NOX3: variants seen among roughly 807,000 people sequenced by gnomAD.
The protein encoded by NOX3 is NADPH oxidase catalytic subunit-like 3.
Under a neutral mutation model 76.7 loss-of-function variants are expected in NOX3, and 74 were observed. The ratio of observed to expected loss-of-function variants is 0.96; its 90% CI spans 0.80 to 1.17. NOX3 has a LOEUF of 1.17. Among genes scored for constraint, NOX3 ranks in the 50% most tolerant of loss-of-function variants. The pLI is 0.00. For missense variants in NOX3, 695 were observed against 703.3 expected, an observed-to-expected ratio of 0.99 and a Z score of 0.13; for synonymous variants, 263 against 261.1, an observed-to-expected ratio of 1.01 and a Z score of -0.07.
rs1777020088 is a variant in NOX3, at chr6:155,443,376, T to C, written c.383A>G (p.His128Arg). 6.2e-7 allele frequency: 1 copy of C among 1,613,970 alleles called. No individual in the cohort carries two copies. Among genetic ancestry groups the C allele is most frequent in the Non-Finnish European group, 8.5e-7 (1 of 1,179,946 alleles). ...CTGGGCCTCCTCGGACTGGCTCCAGTGGTAGCGTTCCAGGTTGAAGAAATG... is the reference window on the plus strand; with the variant it reads ...CTGGGCCTCCTCGGACTGGCTCCAGCGGTAGCGTTCCAGGTTGAAGAAATG... ...VAHFFNLERYHWSQSEEAQGL... is the reference protein window; with the variant it reads ...VAHFFNLERYRWSQSEEAQGL... The change falls in exon 5 of 14, where the codon CAC (histidine) becomes CGC (arginine). Residue 128 changes from histidine to arginine, a missense_variant. Physicochemically the swap from His to Arg is conservative, Grantham distance 29. Transcript: ENST00000159060.
intron 1 of NOX3, among the ~76,000 whole-genome samples, chr6:155,455,432 C>A (rs1207497807): frequency 2.6e-5 from 4 of 152,164 alleles, no homozygotes; most frequent in African/African-American, 9.6e-5. Context: ...TCTTTAAAAA[C>A]AACTCCGAGA....
At chr6:155,396,533 G>A (rs745710231) in intron 13 of NOX3, among the ~76,000 whole-genome samples, 14 of 152,164 alleles carry the variant, frequency 9.2e-5, no homozygotes, top group Non-Finnish European at 2.1e-4. Flanking sequence ...GTGGATGGTC[G>A]ATGTGCGAAA....
chr6:155,396,649 C>A (rs1779140869), intron 13 of NOX3, among the ~76,000 whole-genome samples, 160 bp downstream of exon 13: 1 of 152,248 alleles, frequency 6.6e-6, no homozygotes, highest in Non-Finnish European at 1.5e-5. Flanking sequence ...TATGCCCATT[C>A]ATTGACGTTA....
intron 5 of NOX3, among the ~76,000 whole-genome samples, chr6:155,441,184 TG>T (rs1360811248): frequency 2.0e-5 from 3 of 152,230 alleles, no homozygotes; most frequent in African/African-American, 7.2e-5. Context: ...TCATACATTG[TG>T]TTACTATCGT....
Position 155,454,818 on chromosome 6 carries a change from G to A in NOX3, c.248C>T (p.Thr83Ile). ...SRNLISFIRGTSICCRGPWRR... is the reference protein window; with the variant it reads ...SRNLISFIRGISICCRGPWRR... ...AGATATTTTAGTACTTACAATACTT[G>A]TTCCTCTTATGAATGAAATAAGGTT... The change falls in exon 3 of 14, where the codon ACA becomes ATA. Residue 83 changes from threonine (T) to isoleucine (I), a missense_variant. Transcript: ENST00000159060. 2 of 1,559,082 alleles carry A rather than the reference G, an allele frequency of 1.3e-6. No individual in the cohort carries two copies. The highest frequency in any genetic ancestry group is 1.7e-6 in the Non-Finnish European group (2 of 1,145,506).
chr6:155,432,320 G>C (rs1343116564), intron 7 of NOX3, among the ~76,000 whole-genome samples: 1 of 147,116 alleles, frequency 6.8e-6, no homozygotes, highest in African/African-American at 2.5e-5. Context: ...AGATAGCCAG[G>C]GCCAGAACTC....
intron 7 of NOX3, among the ~76,000 whole-genome samples, chr6:155,433,686 A>G (rs1776864649): frequency 6.6e-6 from 1 of 152,216 alleles, no homozygotes; most frequent in Non-Finnish European, 1.5e-5. Flanking sequence ...TATGGAAGCC[A>G]GAGACTTAGA....
At chr6:155,413,679 G>A (rs1285699690) in intron 10 of NOX3, among the ~76,000 whole-genome samples, 2 of 152,144 alleles carry the variant, frequency 1.3e-5, no homozygotes, top group Non-Finnish European at 2.9e-5. Context: ...GGGTGGAAAT[G>A]AAAAATCTAC....
At chr6:155,424,501 C>A (rs1776731933) in intron 9 of NOX3, among the ~76,000 whole-genome samples, 1 of 152,174 alleles carries the variant, frequency 6.6e-6, no homozygotes. Context: ...TATTCATAAC[C>A]ATTCCCTAAG....
At chr6:155,428,659 C>A in intron 9 of NOX3, 135 bp downstream of exon 9, 1 of 682,154 alleles carries the variant, frequency 1.5e-6, no homozygotes. Context: ...TTTTTACACA[C>A]ATTCTCAAAT....
intron 7 of NOX3, among the ~76,000 whole-genome samples, chr6:155,434,334 G>A (rs962590563): frequency 1.1e-4 from 16 of 152,172 alleles, no homozygotes; most frequent in African/African-American, 3.6e-4. Flanking sequence ...GTGCTTCTCC[G>A]GCCTAGGACG....
At chr6:155,402,436 A>C (rs1232846156) in intron 12 of NOX3, among the ~76,000 whole-genome samples, 2 of 152,210 alleles carry the variant, frequency 1.3e-5, no homozygotes, top group Non-Finnish European at 2.9e-5. Flanking sequence ...AATATAGCTA[A>C]TATAATTACC....
Position 155,436,590 on chromosome 6 carries a change from C to T in NOX3, c.669-43G>A, listed in dbSNP as rs143023863. ...GCAAAACAAAACAAAAAGCAAAAAA[C>T]GTCAAACTGATTTTGAGCAGTCTTG... On this transcript the variant is annotated intron_variant, in intron 6 of 13. Transcript: ENST00000159060. 406 of 1,610,312 alleles carry T rather than the reference C, an allele frequency of 2.5e-4. 4 individuals carry two copies. In the African/African-American group the frequency reaches 4.1e-3, roughly 16 times the overall value.
intron 10 of NOX3, among the ~76,000 whole-genome samples, chr6:155,415,592 G>T (rs1402051198): frequency 1.3e-5 from 2 of 152,210 alleles, no homozygotes; most frequent in Non-Finnish European, 2.9e-5. Flanking sequence ...GCTCAGCGTT[G>T]TGAGCCTATG....
chr6:155,416,875 C>T (rs950665296), intron 10 of NOX3, among the ~76,000 whole-genome samples: 85 of 151,700 alleles, frequency 5.6e-4, no homozygotes, highest in African/African-American at 8.0e-4. Context: ...CTCAGCCTCC[C>T]GAGTAGCTGG....
In NOX3 at chr6:155,440,013, C is replaced by T. The variant is rs200579811; in HGVS notation, c.611G>A (p.Trp204Ter). The change falls in exon 6 of 14, where the codon TGG becomes TAG. Residue 204 changes from tryptophan (W) to a stop codon, truncating the protein, a stop_gained. Coordinates refer to ENST00000159060, the MANE Select transcript of NOX3 (RefSeq NM_015718.3). LOFTEE classifies it high-confidence loss of function. ...FIRQASYELF[W>*]YTHHVFIVFF... ...GACGATGAAAACATGGTGTGTGTAC[C>T]AGAACAACTCATAGGAGGCCTGTCT... is the stretch of plus-strand genomic sequence containing the variant. 6.2e-7 allele frequency: 1 copy of T among 1,613,822 alleles called. No homozygotes were observed. Among genetic ancestry groups the T allele is most frequent in the Non-Finnish European group, 8.5e-7 (1 of 1,179,982 alleles).
chr6:155,434,841 C>T (rs1776880677), intron 7 of NOX3, among the ~76,000 whole-genome samples: 1 of 152,098 alleles, frequency 6.6e-6, no homozygotes, highest in Non-Finnish European at 1.5e-5. Flanking sequence ...AGGTACAAAA[C>T]GTTATCTGTC....
chr6:155,407,002 C>G (rs562122041), intron 12 of NOX3, 128 bp downstream of exon 12: 1 of 1,027,158 alleles, frequency 9.7e-7, no homozygotes, highest in African/African-American at 1.6e-5. Context: ...CATTGATCAC[C>G]TTTTCTAAGG....
chr6:155,444,588 A>G, intron 4 of NOX3, among the ~76,000 whole-genome samples: 1 of 152,262 alleles, frequency 6.6e-6, no homozygotes, highest in Non-Finnish European at 1.5e-5. Context: ...GATCTACGGT[A>G]AGAACAAATC....
Sources: gnomAD v4.1 joint callset for allele counts (sites outside exome capture counted in the v4.1 genomes callset) on GRCh38, gnomAD v4.1.1 for gene constraint, MANE v1.5 for transcripts, NCBI Gene and HGNC (gene_info 2026-07-23, HGNC 2026-07-21) for gene names.